Variants in CHCHD6 observed in about 807,000 individuals in gnomAD.
CHCHD6 encodes the protein MICOS complex subunit MIC25.
Under a neutral mutation model 32.3 loss-of-function variants are expected in CHCHD6, and 28 were observed. The observed-to-expected ratio is 0.87, with a 90% CI of 0.64 to 1.19. The LOEUF (loss-of-function observed/expected upper bound fraction) is 1.19, where lower values mean the gene tolerates loss of function less well. Ranked by LOEUF, CHCHD6 falls within the 50% of genes most tolerant of loss-of-function variation. The pLI, the probability that CHCHD6 is intolerant of heterozygous loss-of-function variation, is 0.00. For synonymous variants in CHCHD6, 122 were observed against 117.5 expected (o/e 1.04, Z -0.25); for missense variants, 333 against 307.0 (o/e 1.08, Z -0.63).
intron 3 of CHCHD6, among the ~76,000 whole-genome samples, chr3:126,731,218 TG>T (rs1385895777): frequency 1.3e-5 from 2 of 151,396 alleles, no homozygotes; most frequent in African/African-American, 4.9e-5. Context: ...GATGAGGAAG[TG>T]GAGCCCTCCC....
chr3:126,936,391 A>G (rs994713740), intron 6 of CHCHD6, among the ~76,000 whole-genome samples: 4 of 152,212 alleles, frequency 2.6e-5, no homozygotes, highest in Admixed American at 2.0e-4. Context: ...ACATATGGCT[A>G]TTGAAGTGTG....
At chr3:126,846,188 C>G (rs931194255) in intron 4 of CHCHD6, among the ~76,000 whole-genome samples, 2 of 152,142 alleles carry the variant, frequency 1.3e-5, no homozygotes, top group African/African-American at 4.8e-5. Context: ...TCTGGTGATT[C>G]CCTGAAAGAG....
intron 1 of CHCHD6, among the ~76,000 whole-genome samples, chr3:126,717,870 C>T (rs759694381): frequency 8.5e-5 from 13 of 152,184 alleles, no homozygotes; most frequent in Admixed American, 3.3e-4. Context: ...ACTCTGCACG[C>T]GTTCCCCCTC....
At chr3:126,920,472 T>C (rs536503291) in intron 6 of CHCHD6, among the ~76,000 whole-genome samples, 2 of 152,328 alleles carry the variant, frequency 1.3e-5, no homozygotes, top group East Asian at 3.9e-4. Context: ...AGGGTCCCTC[T>C]TTCTTGGTGA....
chr3:126,939,182 G>T (rs1334226487), intron 6 of CHCHD6, among the ~76,000 whole-genome samples: 1 of 152,258 alleles, frequency 6.6e-6, no homozygotes, highest in East Asian at 1.9e-4. Context: ...ACCACCCCGG[G>T]GTGTGGCGAG....
chr3:126,719,134 G>A (rs1464983729), intron 1 of CHCHD6, among the ~76,000 whole-genome samples: 3 of 152,156 alleles, frequency 2.0e-5, no homozygotes, highest in East Asian at 3.9e-4. Context: ...GGGCTCATAC[G>A]GTCTAGCCTG....
At chr3:126,947,621 G>C (rs1225268100) in intron 6 of CHCHD6, among the ~76,000 whole-genome samples, 1 of 152,210 alleles carries the variant, frequency 6.6e-6, no homozygotes, top group Non-Finnish European at 1.5e-5. Flanking sequence ...GCAGAACGGG[G>C]TGGGAAGGCC....
At chr3:126,805,602 A>G (rs1204180861) in intron 4 of CHCHD6, among the ~76,000 whole-genome samples, 1 of 152,212 alleles carries the variant, frequency 6.6e-6, no homozygotes, top group African/African-American at 2.4e-5. Context: ...GGAAGAATCA[A>G]TATCGTGAAA....
chr3:126,741,817 C>T (rs1936298413), intron 4 of CHCHD6, among the ~76,000 whole-genome samples: 1 of 152,136 alleles, frequency 6.6e-6, no homozygotes. Context: ...GCAGTCTAGT[C>T]ACCCCAGGGA....
intron 5 of CHCHD6, among the ~76,000 whole-genome samples, chr3:126,865,169 TTCC>T (rs1254463619): frequency 1.6e-5 from 1 of 62,636 alleles, no homozygotes; most frequent in Non-Finnish European, 3.4e-5. Flanking sequence ...CCTCCACTTC[TTCC>T]TCCTCCTCCT....
intron 4 of CHCHD6, among the ~76,000 whole-genome samples, chr3:126,772,333 C>T (rs1182540514): frequency 6.6e-6 from 1 of 152,098 alleles, no homozygotes; most frequent in Non-Finnish European, 1.5e-5. Flanking sequence ...GATCTCCTGA[C>T]CTCGTCCGCC....
At chr3:126,866,848 G>A (rs960994104) in intron 5 of CHCHD6, among the ~76,000 whole-genome samples, 3 of 152,250 alleles carry the variant, frequency 2.0e-5, no homozygotes, top group Admixed American at 6.5e-5. Context: ...TCTAAAAACC[G>A]TGGGCATTTT....
intron 4 of CHCHD6, among the ~76,000 whole-genome samples, chr3:126,785,835 A>C (rs896438739): frequency 3.3e-5 from 5 of 151,950 alleles, no homozygotes; most frequent in African/African-American, 1.2e-4. Context: ...ATATAAGTAG[A>C]TATTTATCAT....
intron 4 of CHCHD6, among the ~76,000 whole-genome samples, chr3:126,818,873 C>T (rs1211695284): frequency 3.3e-5 from 5 of 152,200 alleles, no homozygotes; most frequent in Admixed American, 1.3e-4. Flanking sequence ...ACTGGGACAG[C>T]GGCTGGTGGG....
At chr3:126,760,326 T>C (rs1472352650) in intron 4 of CHCHD6, among the ~76,000 whole-genome samples, 3 of 152,250 alleles carry the variant, frequency 2.0e-5, no homozygotes, top group African/African-American at 7.2e-5. Context: ...TCAGTTCTTC[T>C]ATTGTGGTAA....
chr3:126,764,595 G>A (rs539011156), intron 4 of CHCHD6, among the ~76,000 whole-genome samples: 1 of 152,334 alleles, frequency 6.6e-6, no homozygotes, highest in African/African-American at 2.4e-5. Flanking sequence ...TTTACATGAG[G>A]CTGCCGGAAG....
chr3:126,762,668 G>A (rs773753323), intron 4 of CHCHD6, among the ~76,000 whole-genome samples: 12 of 152,086 alleles, frequency 7.9e-5, no homozygotes, highest in Non-Finnish European at 1.6e-4. Context: ...ATTGAGAATA[G>A]GGTATTGAAA....
At chr3:126,809,587 C>A (rs145673799) in intron 4 of CHCHD6, among the ~76,000 whole-genome samples, 1 of 152,144 alleles carries the variant, frequency 6.6e-6, no homozygotes, top group African/African-American at 2.4e-5. Context: ...TGTCTGTGTC[C>A]GCTCTTGTGC....
intron 5 of CHCHD6, among the ~76,000 whole-genome samples, chr3:126,876,641 A>G (rs1044596124): frequency 2.6e-5 from 4 of 152,220 alleles, no homozygotes; most frequent in Non-Finnish European, 5.9e-5. Flanking sequence ...ATTATCTCCT[A>G]TGACCACTTT....
Sources: gnomAD v4.1 joint callset for allele counts (sites outside exome capture counted in the v4.1 genomes callset) on GRCh38, gnomAD v4.1.1 for gene constraint, MANE v1.5 for transcripts, NCBI Gene and HGNC (gene_info 2026-07-23, HGNC 2026-07-21) for gene names.